Variants in IL1RAPL2 observed in about 807,000 individuals in gnomAD.
The protein encoded by IL1RAPL2 is X-linked interleukin-1 receptor accessory protein-like 2.
Under a neutral mutation model 44.1 loss-of-function variants are expected in IL1RAPL2, and 3 were observed. The observed-to-expected ratio is 0.07, with a 90% CI of 0.03 to 0.18. IL1RAPL2 has a LOEUF of 0.18. Ranked by LOEUF, IL1RAPL2 falls within the 10% of genes least tolerant of loss-of-function variation. IL1RAPL2 has a pLI of 1.00. For synonymous variants in IL1RAPL2, 181 were observed against 178.8 expected, an observed-to-expected ratio of 1.01 and a Z score of -0.10; for missense variants, 391 against 496.4, an observed-to-expected ratio of 0.79 and a Z score of 2.02.
chrX:104,865,414 A>G (rs1476390293), intron 2 of IL1RAPL2, among the ~76,000 whole-genome samples: 1 of 111,766 alleles, frequency 8.9e-6, no homozygotes, highest in Non-Finnish European at 1.9e-5. Flanking sequence ...AAGATTATGT[A>G]TGATTTTGGG....
intron 5 of IL1RAPL2, among the ~76,000 whole-genome samples, chrX:105,363,282 TATATATAATATATATATATATATATA>T (rs1179325784): frequency 6.8e-5 from 5 of 73,162 alleles, no homozygotes; most frequent in African/African-American, 3.8e-4. Flanking sequence ...TGTGTGTATA[TATATATAATATATATATATATATATA>T]ATATATATAT....
chrX:105,020,149 T>A (rs748822854), intron 2 of IL1RAPL2, among the ~76,000 whole-genome samples: 8 of 108,977 alleles, frequency 7.3e-5, no homozygotes, highest in Admixed American at 9.8e-5. Flanking sequence ...ATTTTTAAAA[T>A]TTTTTGTAGA....
chrX:104,657,320 A>T (rs758017724), intron 1 of IL1RAPL2, among the ~76,000 whole-genome samples: 28 of 111,550 alleles, frequency 2.5e-4, no homozygotes, highest in African/African-American at 9.1e-4. Flanking sequence ...ATAACACCAC[A>T]CATCTACAAC....
intron 6 of IL1RAPL2, among the ~76,000 whole-genome samples, chrX:105,542,975 A>G (rs2036757558): frequency 9.0e-6 from 1 of 111,076 alleles, no homozygotes; most frequent in African/African-American, 3.3e-5. Flanking sequence ...GCTCCATAGT[A>G]TCCTCTATTT....
At position 105,117,718 on chromosome X, in the gene IL1RAPL2, T is replaced by G. The variant is rs2032876515; in HGVS notation, c.83-77757T>G. Among the ~76,000 whole-genome samples the G allele has an allele frequency of 2.7e-5, 3 of 111,682 alleles. No individual in the cohort carries two copies. In the Admixed American group the frequency reaches 2.9e-4, roughly 11 times the overall value. ...AAGAAGGTGCCTTTCTTCCCCTTTT[T>G]CTTCCACCATGATTGTAAGGTTCCT... On this transcript the variant is annotated intron_variant, in intron 2 of 10. Coordinates refer to ENST00000372582, the MANE Select transcript of IL1RAPL2 (RefSeq NM_017416.2).
chrX:104,770,528 C>T (rs1175469039), intron 2 of IL1RAPL2, among the ~76,000 whole-genome samples: 1 of 111,471 alleles, frequency 9.0e-6, no homozygotes, highest in Non-Finnish European at 1.9e-5. Flanking sequence ...AATATCAAGG[C>T]AACTATATTA....
intron 7 of IL1RAPL2, among the ~76,000 whole-genome samples, chrX:105,729,896 GGAAGGAAGGAAGGAAGGAA>G: frequency 1.3e-5 from 1 of 76,287 alleles, no homozygotes; most frequent in South Asian, 1.0e-3. Flanking sequence ...AAGGAAGGAA[GGAAGGAAGGAAGGAAGGAA>G]GGAAGGAGGG....
At chrX:105,235,066 C>T (rs1241313332) in intron 4 of IL1RAPL2, among the ~76,000 whole-genome samples, 1 of 111,084 alleles carries the variant, frequency 9.0e-6, no homozygotes, top group Non-Finnish European at 1.9e-5. Flanking sequence ...AACTCCTGCT[C>T]TCTGTTTATT....
chrX:105,256,334 C>CT (rs35418392), intron 4 of IL1RAPL2, among the ~76,000 whole-genome samples: 17,165 of 100,471 alleles, frequency 0.17, 1,182 homozygotes, highest in South Asian at 0.26. Flanking sequence ...AATTTTTTTT[C>CT]TTTTTTTTTT....
intron 2 of IL1RAPL2, among the ~76,000 whole-genome samples, chrX:104,977,744 A>G (rs1036276277): frequency 8.9e-6 from 1 of 112,399 alleles, no homozygotes; most frequent in Non-Finnish European, 1.9e-5. Flanking sequence ...CAGCGGCAGC[A>G]GAGGTACTGC....
intron 2 of IL1RAPL2, among the ~76,000 whole-genome samples, chrX:105,032,264 G>T (rs1465862950): frequency 9.3e-6 from 1 of 108,098 alleles, no homozygotes; most frequent in African/African-American, 3.4e-5. Flanking sequence ...CTTGCCTTCT[G>T]CTAGCTTTTG....
chrX:104,888,320 CAGAG>C (rs575416287), intron 2 of IL1RAPL2, among the ~76,000 whole-genome samples: 5,475 of 93,696 alleles, frequency 0.058, 392 homozygotes, highest in African/African-American at 0.2. Context: ...AAGAGGGAGT[CAGAG>C]AGAGAGAGAG....
At chrX:104,600,660 T>C (rs1392602356) in intron 1 of IL1RAPL2, among the ~76,000 whole-genome samples, 1 of 110,828 alleles carries the variant, frequency 9.0e-6, no homozygotes, top group Non-Finnish European at 1.9e-5. Context: ...TTTTCAACAC[T>C]TGCCCCATTC....
At chrX:104,865,178 C>T (rs761107892) in intron 2 of IL1RAPL2, among the ~76,000 whole-genome samples, 2 of 111,567 alleles carry the variant, frequency 1.8e-5, no homozygotes, top group East Asian at 2.8e-4. Flanking sequence ...AAAACAATAT[C>T]GCATCCCTGG....
At chrX:105,407,972 A>G (rs958415092) in intron 5 of IL1RAPL2, among the ~76,000 whole-genome samples, 10 of 111,994 alleles carry the variant, frequency 8.9e-5, no homozygotes, top group Admixed American at 2.8e-4. Flanking sequence ...TTCAAATACC[A>G]AATAGTTTAC....
chrX:104,814,074 G>T (rs950219881), intron 2 of IL1RAPL2, among the ~76,000 whole-genome samples: 1 of 110,995 alleles, frequency 9.0e-6, no homozygotes, highest in Non-Finnish European at 1.9e-5. Context: ...CTGAGCATGG[G>T]TACCAGGGGT....
chrX:105,388,330 T>A (rs1160269357), intron 5 of IL1RAPL2, among the ~76,000 whole-genome samples: 2 of 101,189 alleles, frequency 2.0e-5, no homozygotes, highest in Admixed American at 2.1e-4. Context: ...ATGTTTTGGG[T>A]CAAACCAAAT....
At chrX:104,853,261 G>A (rs1051862420) in intron 2 of IL1RAPL2, among the ~76,000 whole-genome samples, 17 of 111,719 alleles carry the variant, frequency 1.5e-4, no homozygotes, top group African/African-American at 5.5e-4. Flanking sequence ...CAACGATAAG[G>A]ATGTAATCAT....
intron 2 of IL1RAPL2, among the ~76,000 whole-genome samples, chrX:105,037,739 T>C (rs2031654669): frequency 8.9e-6 from 1 of 111,923 alleles, no homozygotes; most frequent in Non-Finnish European, 1.9e-5. Flanking sequence ...TCAAACATAC[T>C]CTGCTCTCTC....
Sources: allele counts gnomAD v4.1 joint callset (sites outside exome capture counted in the v4.1 genomes callset), GRCh38; gene constraint gnomAD v4.1.1; transcripts MANE v1.5; gene names NCBI Gene and HGNC (gene_info 2026-07-23, HGNC 2026-07-21).